Variants in NSMCE2 observed in about 807,000 individuals in gnomAD.
The protein encoded by NSMCE2 is E3 SUMO-protein ligase NSE2.
NSMCE2 carries 24 observed loss-of-function variants against 23.8 expected under a neutral mutation model. The observed-to-expected ratio is 1.01, with a 90% CI of 0.73 to 1.42. NSMCE2 has a LOEUF of 1.42. NSMCE2 is among the 40% of genes most tolerant of loss of function. The pLI is 0.00. For synonymous variants in NSMCE2, 92 were observed against 94.1 expected, an observed-to-expected ratio of 0.98 and a Z score of 0.13; for missense variants, 284 against 296.5, an observed-to-expected ratio of 0.96 and a Z score of 0.31.
chr8:125,117,913 A>T (rs1163862119), intron 3 of NSMCE2, among the ~76,000 whole-genome samples: 1 of 152,240 alleles, frequency 6.6e-6, no homozygotes, highest in Non-Finnish European at 1.5e-5. Context: ...TCAAGAATGT[A>T]GGAAGTTACT....
rs973890497 is a variant in NSMCE2, at chr8:125,182,002, T to A, written c.265-101T>A. ...CAAGAGATTGTTTTCAACCTCACTATCTTTTGCTTTGAATTATCTGAGATA... is the reference window on the plus strand; with the variant it reads ...CAAGAGATTGTTTTCAACCTCACTAACTTTTGCTTTGAATTATCTGAGATA... On this transcript the variant is annotated intron_variant, in intron 4 of 7. Coordinates refer to ENST00000287437, the MANE Select transcript of NSMCE2 (RefSeq NM_173685.4). The A allele has an allele frequency of 1.3e-5, 11 of 878,446 alleles. No homozygotes were observed. In the East Asian group the frequency reaches 2.5e-4, roughly 20 times the overall value. 54.4% of individuals were successfully genotyped at this position (878,446 alleles called of 1,614,324 possible). A position where few individuals can be genotyped will look rare whatever the true frequency, so the allele number is the denominator to read the frequency against.
intron 7 of NSMCE2, among the ~76,000 whole-genome samples, chr8:125,363,542 A>AAGAAAGAG (rs781446509): frequency 9.7e-6 from 1 of 103,008 alleles, no homozygotes; most frequent in African/African-American, 3.7e-5. Context: ...GAAAGAAAGA[A>AAGAAAGAG]AGAGAGAGAG....
chr8:125,366,705 A>G (rs1586828158), intron 7 of NSMCE2, 63 bp from the exon 8 acceptor site: 1 of 903,676 alleles, frequency 1.1e-6, no homozygotes, highest in East Asian at 2.4e-5. Flanking sequence ...ACACTTGAGT[A>G]TAAAAGAAGT....
At chr8:125,108,087 T>C (rs1818556144) in intron 3 of NSMCE2, among the ~76,000 whole-genome samples, 1 of 152,082 alleles carries the variant, frequency 6.6e-6, no homozygotes, top group Non-Finnish European at 1.5e-5. Flanking sequence ...ATGGATCCCC[T>C]GAAAGGGCCC....
intron 5 of NSMCE2, among the ~76,000 whole-genome samples, chr8:125,227,962 T>C (rs923710234): frequency 6.6e-6 from 1 of 152,210 alleles, no homozygotes; most frequent in African/African-American, 2.4e-5. Context: ...GCATGTGCCA[T>C]TGATTTATTC....
At chr8:125,293,286 G>A (rs1240737205) in intron 5 of NSMCE2, among the ~76,000 whole-genome samples, 1 of 152,118 alleles carries the variant, frequency 6.6e-6, no homozygotes, top group Non-Finnish European at 1.5e-5. Flanking sequence ...AGTTTATCAA[G>A]GGAGATACAA....
At chr8:125,228,853 G>A (rs1327591223) in intron 5 of NSMCE2, among the ~76,000 whole-genome samples, 1 of 152,138 alleles carries the variant, frequency 6.6e-6, no homozygotes, top group Non-Finnish European at 1.5e-5. Flanking sequence ...TGTGAACTAT[G>A]TATGTGGCCA....
chr8:125,228,102 C>T (rs193030648), intron 5 of NSMCE2, among the ~76,000 whole-genome samples: 1 of 152,102 alleles, frequency 6.6e-6, no homozygotes, highest in Non-Finnish European at 1.5e-5. Context: ...TGTATTGAGT[C>T]TTAACTATCA....
intron 3 of NSMCE2, among the ~76,000 whole-genome samples, chr8:125,132,296 C>A (rs1287432504): frequency 6.6e-6 from 1 of 152,144 alleles, no homozygotes; most frequent in African/African-American, 2.4e-5. Context: ...CAGACAGGGT[C>A]TCACTATGTT....
At chr8:125,160,607 C>T (rs79877675) in intron 4 of NSMCE2, among the ~76,000 whole-genome samples, 1 of 152,186 alleles carries the variant, frequency 6.6e-6, no homozygotes, top group Non-Finnish European at 1.5e-5. Flanking sequence ...CTGATAGTCA[C>T]CCTCCCTATG....
chr8:125,227,491 A>G (rs1825148017), intron 5 of NSMCE2, among the ~76,000 whole-genome samples: 1 of 152,204 alleles, frequency 6.6e-6, no homozygotes, highest in Non-Finnish European at 1.5e-5. Context: ...CTTTCTGTTT[A>G]GAATTAAGGA....
rs1290044460 is a variant in NSMCE2, at chr8:125,151,204, C to A, written c.191C>A (p.Ala64Glu). 2 of 1,607,124 alleles carry A rather than the reference C, an allele frequency of 1.2e-6. No homozygotes were observed. The highest frequency in any genetic ancestry group is 1.7e-6 in the Non-Finnish European group (2 of 1,174,548). Residue 64 changes from alanine (A) to glutamate (E), a missense_variant, in exon 4 of 8, where the codon GCA (alanine) becomes GAA (glutamate). Coordinates refer to ENST00000287437, the MANE Select transcript of NSMCE2 (RefSeq NM_173685.4). ...EVSSEYSMDK[A>E]MVEFATLDRQ... ...AGTAGTGAATATAGTATGGACAAGG[C>A]AATGGTTGAATTTGCTACATTGGAT...
chr8:125,166,774 T>C (rs1287275535), intron 4 of NSMCE2, among the ~76,000 whole-genome samples: 1 of 152,186 alleles, frequency 6.6e-6, no homozygotes, highest in Non-Finnish European at 1.5e-5. Flanking sequence ...CTGGTCTTCC[T>C]GGTTTAGAGT....
chr8:125,141,163 T>G (rs1820354630), intron 3 of NSMCE2, among the ~76,000 whole-genome samples: 1 of 152,224 alleles, frequency 6.6e-6, no homozygotes, highest in African/African-American at 2.4e-5. Flanking sequence ...CAGTCATTTA[T>G]AGATATTAAC....
At chr8:125,311,984 C>T (rs1288180320) in intron 5 of NSMCE2, among the ~76,000 whole-genome samples, 2 of 149,384 alleles carry the variant, frequency 1.3e-5, no homozygotes, top group African/African-American at 4.9e-5. Flanking sequence ...AGGAGAATCA[C>T]TTGAACCTGG....
At chr8:125,268,130 A>T (rs1262851137) in intron 5 of NSMCE2, among the ~76,000 whole-genome samples, 1 of 151,662 alleles carries the variant, frequency 6.6e-6, no homozygotes, top group East Asian at 1.9e-4. Flanking sequence ...GCTACTCCAG[A>T]GGCTGAGGTG....
At chr8:125,171,757 A>G (rs1219292787) in intron 4 of NSMCE2, among the ~76,000 whole-genome samples, 1 of 152,212 alleles carries the variant, frequency 6.6e-6, no homozygotes, top group African/African-American at 2.4e-5. Flanking sequence ...ACCAGTAATA[A>G]TAATAGCAGC....
intron 3 of NSMCE2, among the ~76,000 whole-genome samples, chr8:125,104,059 C>T (rs575035275): frequency 7.3e-5 from 11 of 149,736 alleles, no homozygotes; most frequent in Non-Finnish European, 3.0e-5. Context: ...GGTGCGATCT[C>T]GGCTCACTGC....
chr8:125,214,100 G>A (rs1477881886), intron 5 of NSMCE2, among the ~76,000 whole-genome samples: 1 of 152,086 alleles, frequency 6.6e-6, no homozygotes, highest in East Asian at 1.9e-4. Context: ...TATTATAATT[G>A]TATCCCAATA....
Sources: allele counts gnomAD v4.1 joint callset (sites outside exome capture counted in the v4.1 genomes callset), GRCh38; gene constraint gnomAD v4.1.1; transcripts MANE v1.5; gene names NCBI Gene and HGNC (gene_info 2026-07-23, HGNC 2026-07-21).